AKNA: variants seen among roughly 807,000 people sequenced by gnomAD.
AKNA encodes the protein AT-hook transcription factor.
AKNA carries 67 observed loss-of-function variants against 138.8 expected under a neutral mutation model. The observed-to-expected ratio is 0.48, with a 90% CI of 0.40 to 0.59. The LOEUF (loss-of-function observed/expected upper bound fraction) is 0.59. Among genes scored for constraint, AKNA ranks in the 20% least tolerant of loss-of-function variants. The pLI, the probability that AKNA is intolerant of heterozygous loss-of-function variation, is 0.00. For synonymous variants in AKNA, 737 were observed against 754.4 expected (o/e 0.98, Z 0.38); for missense variants, 1,813 against 1,880.4 (o/e 0.96, Z 0.66).
chr9:114,332,619 C>T (rs144398890), downstream of AKNA, among the ~76,000 whole-genome samples: 1 of 152,190 alleles, frequency 6.6e-6, no homozygotes, highest in African/African-American at 2.4e-5. Flanking sequence ...GCCCCATCCC[C>T]AGCCCCAGGA....
At chr9:114,350,765 T>C in intron 15 of AKNA, 94 bp downstream of exon 15, 1 of 1,382,798 alleles carries the variant, frequency 7.2e-7, no homozygotes, top group South Asian at 1.4e-5. Flanking sequence ...CTGTGTGAGC[T>C]GGGCAGGTCT....
At position 114,337,178 on chromosome 9, in the gene AKNA, T is replaced by C. The variant is rs1483732409; in HGVS notation, c.4196A>G (p.Asn1399Ser). 5.6e-6 allele frequency: 9 copies of C among 1,610,250 alleles called. No homozygotes were observed. In the African/African-American group the frequency reaches 9.3e-5, roughly 17 times the overall value. ...QLDLGDLEELNKALSRAVQAA... is the reference protein window; with the variant it reads ...QLDLGDLEELSKALSRAVQAA... ...CTGCACGGCCCGGCTCAGGGCCTTGTTGAGCTCCTCTAGGTCGCCCAGGTC... is the reference window on the plus strand; with the variant it reads ...CTGCACGGCCCGGCTCAGGGCCTTGCTGAGCTCCTCTAGGTCGCCCAGGTC... Residue 1399 changes from asparagine to serine, a missense_variant, in exon 22 of 22, where the codon AAC becomes AGC. Transcript: ENST00000374088.
chr9:114,335,291 T>C lies in AKNA; in HGVS notation c.*1763A>G, dbSNP rs1209606260. 2.0e-5 allele frequency: 3 copies of C among 152,188 alleles called. No homozygotes were observed. The highest frequency in any genetic ancestry group is 4.8e-5 in the African/African-American group (2 of 41,436). 9.4% of individuals were successfully genotyped at this position (152,188 alleles called of 1,614,324 possible). On this transcript the variant is annotated 3_prime_UTR_variant, in exon 22 of 22. Coordinates refer to ENST00000374088, the MANE Select transcript of AKNA (RefSeq NM_001317950.2). ...AGACCAATGTGAGTTTAAATCCAGG[T>C]TCTCTCCCAAACCAGTTTGGGCAGA... is the stretch of plus-strand genomic sequence containing the variant.
At chr9:114,374,249 C>T in intron 3 of AKNA, 82 bp from the exon 4 acceptor site, 2 of 1,356,536 alleles carry the variant, frequency 1.5e-6, no homozygotes, top group Non-Finnish European at 2.1e-6. Context: ...ATAGCAAACC[C>T]CCTTCCATAA....
At chr9:114,390,950 G>A (rs1834311684), upstream of AKNA, among the ~76,000 whole-genome samples, 1 of 152,204 alleles carries the variant, frequency 6.6e-6, no homozygotes, top group Non-Finnish European at 1.5e-5. Context: ...ACTCAGTTGG[G>A]AGCTCTGTGA....
chr9:114,361,276 T>C (rs1831936700), intron 9 of AKNA, among the ~76,000 whole-genome samples: 1 of 152,084 alleles, frequency 6.6e-6, no homozygotes. Flanking sequence ...GCTGGATGGG[T>C]TTTCTCTTTC....
At chr9:114,344,465 T>G (rs1029279109) in intron 18 of AKNA, 21 of 152,888 alleles carry the variant, frequency 1.4e-4, no homozygotes, top group African/African-American at 5.1e-4. Flanking sequence ...CCCCTGAGTT[T>G]CAAATAAGGC....
upstream of AKNA, chr9:114,388,004 C>A: frequency 2.6e-6 from 1 of 381,846 alleles, no homozygotes; most frequent in Admixed American, 2.6e-5. Flanking sequence ...CTGCTGCTCA[C>A]AGACCAGCAT....
intron 19 of AKNA, 127 bp downstream of exon 19, chr9:114,343,581 C>T: frequency 1.1e-6 from 1 of 941,680 alleles, no homozygotes; most frequent in South Asian, 1.5e-5. Context: ...ATCCTCTTCC[C>T]TGGTCTGTCC....
chr9:114,383,096 G>T (rs950483535), intron 1 of AKNA: 5 of 455,354 alleles, frequency 1.1e-5, no homozygotes, highest in Non-Finnish European at 2.2e-5. Flanking sequence ...TTTCGCCGCC[G>T]ATGGCTGGGG....
Position 114,337,240 on chromosome 9 carries a change from G to T in AKNA, c.4134C>A (p.Pro1378=). The T allele has an allele frequency of 6.4e-7, 1 of 1,570,706 alleles. No homozygotes were observed. Reference sequence around the variant, plus strand: ...AGTGCCGGTGTCTCCGGGCTGGTGGGGGAGAGGCTGTGGGCGGCCACTTGG... The same window carrying T: ...AGTGCCGGTGTCTCCGGGCTGGTGGTGGAGAGGCTGTGGGCGGCCACTTGG... ...PAAKWPPTAS[P]PPARRHRHSI... Residue 1378 remains proline (P), a synonymous_variant, in exon 22 of 22, where the codon CCC becomes CCA. Transcript: ENST00000374088.
intron 11 of AKNA, chr9:114,359,289 G>GC (rs1159753546): frequency 1.1e-5 from 5 of 460,506 alleles, no homozygotes; most frequent in Non-Finnish European, 1.9e-5. Flanking sequence ...GGCTAGTCTT[G>GC]AACTCCTGGA....
At chr9:114,339,097 A>C (rs776424165) in intron 21 of AKNA, among the ~76,000 whole-genome samples, 22 of 152,234 alleles carry the variant, frequency 1.4e-4, no homozygotes, top group Non-Finnish European at 2.6e-4. Context: ...TCGAAAAATC[A>C]TAAATCGAAC....
downstream of AKNA, among the ~76,000 whole-genome samples, chr9:114,333,485 A>G (rs1829896364): frequency 7.7e-6 from 1 of 129,070 alleles, no homozygotes. Flanking sequence ...CAATCTAGAA[A>G]GATGAGGAGC....
intron 14 of AKNA, among the ~76,000 whole-genome samples, chr9:114,355,238 C>T (rs149959237): frequency 0.012 from 1,850 of 150,102 alleles, 29 homozygotes; most frequent in African/African-American, 0.043. Context: ...TGCAATGGCA[C>T]GATTGCAGCT....
At chr9:114,372,188 G>A (rs1469474413) in intron 4 of AKNA, among the ~76,000 whole-genome samples, 7 of 152,192 alleles carry the variant, frequency 4.6e-5, no homozygotes, top group East Asian at 1.9e-4. Context: ...TTGGGGGAGG[G>A]AGCAGAGCCC....
In AKNA at chr9:114,377,429, A is replaced by T; in HGVS notation, c.378T>A (p.Asp126Glu). 1 of 1,613,662 alleles carries T rather than the reference A, an allele frequency of 6.2e-7. No homozygotes were observed. The highest frequency in any genetic ancestry group is 8.5e-7 in the Non-Finnish European group (1 of 1,179,966). The change falls in exon 3 of 22, where the codon GAT becomes GAA. Residue 126 changes from aspartate to glutamate, a missense_variant. Asp to Glu is a conservative substitution (Grantham distance 45). Transcript: ENST00000374088. ...CAACCTCCAGACTTCCGAGGGTCCC[A>T]TCTGGCTCCTCTTCAGTCATGTCCA... The part of the protein sequence containing the change: ...RQLDMTEEEP[D>E]GTLGSLEVEE...
chr9:114,352,782 G>A (rs1831222096), intron 14 of AKNA, among the ~76,000 whole-genome samples: 2 of 152,098 alleles, frequency 1.3e-5, no homozygotes, highest in Admixed American at 6.6e-5. Context: ...TTAGCCAGGC[G>A]TGGTGGCGCG....
Position 114,336,906 on chromosome 9 carries a change from ACTGAGCAGGCGGGAC to A in AKNA, c.*133_*147del, listed in dbSNP as rs1830022731. On this transcript the variant is annotated 3_prime_UTR_variant, in exon 22 of 22. Transcript: ENST00000374088. Reference sequence around the variant, plus strand: ...CCCCCTCCACTTGGAAAGCACAGGGACTGAGCAGGCGGGACCTGTGCTGGAGGGAGACCCTCCTGG... The same window carrying A: ...CCCCCTCCACTTGGAAAGCACAGGGACTGTGCTGGAGGGAGACCCTCCTGG... 4.8e-5 allele frequency: 49 copies of A among 1,014,746 alleles called. No homozygotes were observed. The South Asian group carries it at 1.1e-3, about 23-fold the overall frequency. The allele number at this position is 1,014,746 out of a possible 1,614,324, so 62.9% of individuals were successfully genotyped here. A position where few individuals can be genotyped will look rare whatever the true frequency, so the allele number is the denominator to read the frequency against.
Sources: gnomAD v4.1 joint callset for allele counts (sites outside exome capture counted in the v4.1 genomes callset) on GRCh38, gnomAD v4.1.1 for gene constraint, MANE v1.5 for transcripts, NCBI Gene and HGNC (gene_info 2026-07-23, HGNC 2026-07-21) for gene names.